RAB30: variants seen among roughly 807,000 people sequenced by gnomAD.
The protein encoded by RAB30 is ras-related protein Rab-30.
RAB30 carries 9 observed loss-of-function variants against 25.1 expected under a neutral mutation model. That is an observed-to-expected ratio of 0.36 (90% CI 0.22 to 0.63). The LOEUF (loss-of-function observed/expected upper bound fraction) is 0.63, where lower values mean the gene tolerates loss of function less well. Ranked by LOEUF, RAB30 falls within the 20% of genes least tolerant of loss-of-function variation. The probability of loss-of-function intolerance (pLI) is 0.69; values close to 1 mark genes in which losing one functional copy is unlikely to be tolerated. For synonymous variants in RAB30, 77 were observed against 86.4 expected (o/e 0.89, Z 0.60); for missense variants, 140 against 243.5 (o/e 0.58, Z 2.83).
intron 1 of RAB30, among the ~76,000 whole-genome samples, chr11:83,063,172 C>T (rs1032412307): frequency 5.9e-5 from 9 of 152,174 alleles, no homozygotes; most frequent in Admixed American, 5.9e-4. Flanking sequence ...ATGGCCACTC[C>T]TAAGCTCACA....
intron 1 of RAB30, among the ~76,000 whole-genome samples, chr11:83,000,782 G>T (rs1056613991): frequency 6.6e-6 from 1 of 151,752 alleles, no homozygotes; most frequent in African/African-American, 2.4e-5. Context: ...GGCCGGGCGC[G>T]GTGGCTCACG....
At chr11:83,007,130 G>A (rs912078113) in intron 1 of RAB30, among the ~76,000 whole-genome samples, 1 of 152,226 alleles carries the variant, frequency 6.6e-6, no homozygotes, top group African/African-American at 2.4e-5. Context: ...CACGCAGCAT[G>A]TAAGCAACAG....
At chr11:82,984,476 G>A (rs1856701209) in intron 4 of RAB30, among the ~76,000 whole-genome samples, 1 of 152,206 alleles carries the variant, frequency 6.6e-6, no homozygotes, top group South Asian at 2.1e-4. Context: ...TACTTCCACT[G>A]AAGAGGGTTG....
At position 82,975,768 on chromosome 11, in the gene RAB30, A is replaced by G. The variant is rs1856536097; in HGVS notation, c.*6397T>C. 1 of 152,178 alleles carries G rather than the reference A, an allele frequency of 6.6e-6. No homozygotes were observed. Among genetic ancestry groups the G allele is most frequent in the Non-Finnish European group, 1.5e-5 (1 of 68,020 alleles). 9.4% of individuals were successfully genotyped at this position (152,178 alleles called of 1,614,324 possible). On this transcript the variant is annotated 3_prime_UTR_variant, in exon 5 of 5. Coordinates refer to ENST00000527633, the MANE Select transcript of RAB30 (RefSeq NM_001286060.2). ...CTACATCTGATACCAATAAGAAGCTAAGAGTAATAAATACCTATCCTGACA... is the reference window on the plus strand; with the variant it reads ...CTACATCTGATACCAATAAGAAGCTGAGAGTAATAAATACCTATCCTGACA...
rs35726383 is a variant in RAB30, at chr11:82,987,905, TAAAAAAAAAAA to T, written c.178-146_178-136del. 1.9e-3 allele frequency: 67 copies of T among 35,428 alleles called. 1 individual carries two copies. The highest frequency in any genetic ancestry group is 7.2e-3 in the African/African-American group (59 of 8,186). The allele number at this position is 35,428 out of a possible 1,614,324, so 2.2% of individuals were successfully genotyped here. On this transcript the variant is annotated intron_variant, in intron 3 of 4. Transcript: ENST00000527633. ...ACAATTTCATGGTTATTTTCTGCCC[TAAAAAAAAAAA>T]AAAAAAAAAAAAAAAAAGCACTGAA... is the stretch of plus-strand genomic sequence containing the variant.
chr11:83,001,782 T>G (rs1423549962), intron 1 of RAB30, among the ~76,000 whole-genome samples: 2 of 152,144 alleles, frequency 1.3e-5, no homozygotes, highest in Non-Finnish European at 2.9e-5. Context: ...CAGCCCTAAA[T>G]TGACAACAAA....
intron 3 of RAB30, among the ~76,000 whole-genome samples, chr11:82,989,716 C>T (rs1344378232): frequency 6.6e-6 from 1 of 152,200 alleles, no homozygotes; most frequent in Admixed American, 6.5e-5. Flanking sequence ...TTTTCTAGAA[C>T]AGCGATTGTA....
At position 82,977,640 on chromosome 11, in the gene RAB30, C is replaced by T. The variant is rs1448672646; in HGVS notation, c.*4525G>A. 1 of 152,190 alleles carries T rather than the reference C, an allele frequency of 6.6e-6. No homozygotes were observed. The highest frequency in any genetic ancestry group is 1.5e-5 in the Non-Finnish European group (1 of 68,036). 9.4% of individuals were successfully genotyped at this position (152,190 alleles called of 1,614,324 possible). ...TCCACCCCTCTGAACCACAGAGCAT[C>T]TTGTTCTAATGCACTAATTGTATTC... On this transcript the variant is annotated 3_prime_UTR_variant, in exon 5 of 5. Transcript: ENST00000527633.
At chr11:82,990,416 T>C (rs1856827871) in intron 3 of RAB30, among the ~76,000 whole-genome samples, 1 of 152,166 alleles carries the variant, frequency 6.6e-6, no homozygotes, top group African/African-American at 2.4e-5. Context: ...CTTAACAGAT[T>C]AGTAGGGTAT....
intron 4 of RAB30, among the ~76,000 whole-genome samples, chr11:82,986,833 A>T (rs1032548721): frequency 5.9e-5 from 9 of 152,224 alleles, no homozygotes; most frequent in Admixed American, 5.9e-4. Flanking sequence ...TACTGAGCTT[A>T]TTATTAACCA....
At chr11:83,053,123 C>T (rs1858389977) in intron 1 of RAB30, among the ~76,000 whole-genome samples, 1 of 152,132 alleles carries the variant, frequency 6.6e-6, no homozygotes, top group African/African-American at 2.4e-5. Context: ...CTATGCCCTG[C>T]ACCCTGGGTG....
intron 1 of RAB30, among the ~76,000 whole-genome samples, chr11:83,018,517 G>A (rs773812486): frequency 2.0e-5 from 3 of 151,868 alleles, no homozygotes; most frequent in Non-Finnish European, 2.9e-5. Context: ...TATGTCCTTT[G>A]ACCACTTTTT....
At chr11:83,063,469 T>C (rs1437284075) in intron 1 of RAB30, among the ~76,000 whole-genome samples, 1 of 152,250 alleles carries the variant, frequency 6.6e-6, no homozygotes, top group Non-Finnish European at 1.5e-5. Flanking sequence ...GACTGCTTTA[T>C]TGTTTCAGTT....
chr11:83,066,420 C>G (rs1048176553), intron 1 of RAB30, among the ~76,000 whole-genome samples: 8 of 145,378 alleles, frequency 5.5e-5, no homozygotes, highest in South Asian at 2.2e-4. Flanking sequence ...GAACTCTGTG[C>G]AATTAGAATG....
intron 1 of RAB30, among the ~76,000 whole-genome samples, chr11:83,012,022 G>A (rs1857315759): frequency 6.6e-6 from 1 of 152,140 alleles, no homozygotes; most frequent in African/African-American, 2.4e-5. Flanking sequence ...CACCACTGAG[G>A]GGCTCAGTTT....
At chr11:83,031,517 G>A (rs923090206) in intron 1 of RAB30, among the ~76,000 whole-genome samples, 12 of 140,104 alleles carry the variant, frequency 8.6e-5, no homozygotes, top group African/African-American at 3.3e-4. Context: ...GTGGTTCTGC[G>A]TATTCTTTTT....
At chr11:83,065,445 A>T (rs1001629330) in intron 1 of RAB30, among the ~76,000 whole-genome samples, 8 of 151,912 alleles carry the variant, frequency 5.3e-5, no homozygotes, top group African/African-American at 1.9e-4. Context: ...AGGAAAGGAG[A>T]AGACAGAGTC....
chr11:82,973,960 T>C lies in RAB30; in HGVS notation c.*8205A>G, dbSNP rs1856498743. The stretch of plus-strand genomic sequence containing the variant: ...GTACTGATTTATGCTACAACATGGA[T>C]GAGCTTTAAAAACATTATGCTTACT... On this transcript the variant is annotated 3_prime_UTR_variant, in exon 5 of 5. Coordinates refer to ENST00000527633, the MANE Select transcript of RAB30 (RefSeq NM_001286060.2). 1 of 152,186 alleles carries C rather than the reference T, an allele frequency of 6.6e-6. No individual in the cohort carries two copies. Among genetic ancestry groups the C allele is most frequent in the African/African-American group, 2.4e-5 (1 of 41,440 alleles). The allele number at this position is 152,186 out of a possible 1,614,324, so 9.4% of individuals were successfully genotyped here. A position where few individuals can be genotyped will look rare whatever the true frequency, so the allele number is the denominator to read the frequency against.
intron 1 of RAB30, among the ~76,000 whole-genome samples, chr11:83,046,325 C>A (rs967185265): frequency 6.6e-6 from 1 of 152,032 alleles, no homozygotes; most frequent in African/African-American, 2.4e-5. Flanking sequence ...CTCTAGGGAT[C>A]CTTTTCTAAG....
Sources: gnomAD v4.1 joint callset for allele counts (sites outside exome capture counted in the v4.1 genomes callset) on GRCh38, gnomAD v4.1.1 for gene constraint, MANE v1.5 for transcripts, NCBI Gene and HGNC (gene_info 2026-07-23, HGNC 2026-07-21) for gene names.